NLGN1: variants seen among roughly 807,000 people sequenced by gnomAD.
The protein encoded by NLGN1 is neuroligin-1.
In NLGN1, 12 loss-of-function variants were observed where a neutral mutation model predicts 65.5. That is an observed-to-expected ratio of 0.18 (90% CI 0.12 to 0.30). The LOEUF is 0.30. Ranked by LOEUF, NLGN1 falls within the 10% of genes least tolerant of loss-of-function variation. The pLI, the probability that NLGN1 is intolerant of heterozygous loss-of-function variation, is 1.00. For missense variants in NLGN1, 750 were observed against 1,007.1 expected, an observed-to-expected ratio of 0.74 and a Z score of 3.46; for synonymous variants, 350 against 359.5, an observed-to-expected ratio of 0.97 and a Z score of 0.30.
Position 173,879,466 on chromosome 3 carries a change from G to A in NLGN1, c.646+71634G>A, listed in dbSNP as rs577794119. On this transcript the variant is annotated intron_variant, in intron 4 of 6. Transcript: ENST00000457714. ...TCATTTTTAAAATAGTTTCTATATC[G>A]CAGCTGACATATCATTGTATTAATG... Among the ~76,000 whole-genome samples, 10 of 151,992 alleles carry A rather than the reference G, an allele frequency of 6.6e-5. No individual in the cohort carries two copies. The South Asian group carries it at 1.0e-3, about 16-fold the overall frequency.
intron 4 of NLGN1, among the ~76,000 whole-genome samples, chr3:174,076,980 C>CTATCCA (rs887906636): frequency 1.3e-5 from 2 of 152,094 alleles, no homozygotes; most frequent in African/African-American, 4.8e-5. Flanking sequence ...AAAGCAGCTC[C>CTATCCA]AAGTATGTTC....
chr3:174,154,885 T>C (rs1725047233), intron 4 of NLGN1, among the ~76,000 whole-genome samples: 1 of 116,260 alleles, frequency 8.6e-6, no homozygotes, highest in South Asian at 2.5e-4. Context: ...TAGATAGATA[T>C]AAAGATTTTC....
intron 4 of NLGN1, among the ~76,000 whole-genome samples, chr3:173,932,218 C>T (rs1744224732): frequency 6.6e-6 from 1 of 151,826 alleles, no homozygotes; most frequent in Admixed American, 6.6e-5. Flanking sequence ...ATCAGTTGTC[C>T]TGTTTCCACT....
At chr3:173,971,202 G>C (rs1207385125) in intron 4 of NLGN1, among the ~76,000 whole-genome samples, 1 of 152,030 alleles carries the variant, frequency 6.6e-6, no homozygotes, top group Non-Finnish European at 1.5e-5. Context: ...AGAAAATGGT[G>C]TTACAAAAGT....
chr3:173,803,210 A>G (rs905559683), intron 3 of NLGN1, among the ~76,000 whole-genome samples: 5 of 152,190 alleles, frequency 3.3e-5, no homozygotes, highest in African/African-American at 1.2e-4. Flanking sequence ...AAATGGTTCA[A>G]AGTAACATCC....
chr3:173,906,256 T>C (rs1738364601), intron 4 of NLGN1, among the ~76,000 whole-genome samples: 2 of 152,218 alleles, frequency 1.3e-5, no homozygotes, highest in Admixed American at 6.5e-5. Context: ...GTATTGCTCT[T>C]TTTTATTAGC....
At chr3:174,181,198 A>G (rs1730351091) in intron 4 of NLGN1, among the ~76,000 whole-genome samples, 1 of 152,100 alleles carries the variant, frequency 6.6e-6, no homozygotes, top group African/African-American at 2.4e-5. Context: ...AATAATATAA[A>G]TTCATCAAAT....
chr3:174,156,632 T>G (rs1725489549), intron 4 of NLGN1, among the ~76,000 whole-genome samples: 1 of 151,714 alleles, frequency 6.6e-6, no homozygotes, highest in African/African-American at 2.4e-5. Flanking sequence ...TAGTCTAATA[T>G]AAAACATAAG....
At chr3:173,794,800 CA>C (rs1238064633) in intron 3 of NLGN1, among the ~76,000 whole-genome samples, 5 of 152,182 alleles carry the variant, frequency 3.3e-5, no homozygotes, top group African/African-American at 1.2e-4. Flanking sequence ...CAGATGCTAT[CA>C]TTTTTTTATT....
intron 2 of NLGN1, among the ~76,000 whole-genome samples, chr3:173,567,489 A>G (rs533890406): frequency 6.6e-6 from 1 of 152,090 alleles, no homozygotes; most frequent in East Asian, 1.9e-4. Flanking sequence ...TTTAATTTTT[A>G]TGTGCTTCAA....
rs201540247 is a variant in NLGN1 at position 174,038,780 on chromosome 3, GT to G, written c.646+230952del. Among the ~76,000 whole-genome samples the G allele has an allele frequency of 9.5e-4, 145 of 152,210 alleles. 1 individual carries two copies. The East Asian group carries it at 0.022, about 23-fold the overall frequency. On this transcript the variant is annotated intron_variant, in intron 4 of 6. Transcript: ENST00000457714. ...TATTCAGAAGTTCTAATTGCCTTAT[GT>G]TTTACTTCTTGACTGTCCAGGTGGC... is the stretch of plus-strand genomic sequence containing the variant.
chr3:173,728,256 G>A lies in NLGN1; in HGVS notation c.494-79424G>A, dbSNP rs369744510. On this transcript the variant is annotated intron_variant, in intron 3 of 6. Transcript: ENST00000457714. Reference sequence around the variant, plus strand: ...GATGTAAGTGACAAATGAATAAGACGTGGCAAGACTATGAAAGTCCTAAGA... The same window carrying A: ...GATGTAAGTGACAAATGAATAAGACATGGCAAGACTATGAAAGTCCTAAGA... 1.1e-4 allele frequency among the ~76,000 whole-genome samples: 16 copies of A among 152,044 alleles called. 1 individual carries two copies. The East Asian group carries it at 1.5e-3, about 15-fold the overall frequency.
At chr3:173,445,735 T>G (rs549896875) in intron 2 of NLGN1, among the ~76,000 whole-genome samples, 2 of 152,350 alleles carry the variant, frequency 1.3e-5, no homozygotes, top group Non-Finnish European at 2.9e-5. Context: ...TTGTTGAACC[T>G]AGCAGGGTTT....
chr3:173,719,357 C>T (rs1003155514), intron 3 of NLGN1, among the ~76,000 whole-genome samples: 1 of 152,170 alleles, frequency 6.6e-6, no homozygotes, highest in Non-Finnish European at 1.5e-5. Flanking sequence ...TACCTTCTTT[C>T]CTGCCCTAAG....
chr3:173,469,780 C>G (rs986025693), intron 2 of NLGN1, among the ~76,000 whole-genome samples: 1 of 151,960 alleles, frequency 6.6e-6, no homozygotes. Context: ...ACCCTGGTAG[C>G]CGCCAATCTA....
chr3:174,126,194 G>C (rs1402735455), intron 4 of NLGN1, among the ~76,000 whole-genome samples: 1 of 151,754 alleles, frequency 6.6e-6, no homozygotes, highest in African/African-American at 2.4e-5. Context: ...CTGTTTCTTT[G>C]TTTGTTTGTT....
intron 4 of NLGN1, among the ~76,000 whole-genome samples, chr3:174,020,334 C>T (rs897647811): frequency 6.6e-6 from 1 of 151,996 alleles, no homozygotes; most frequent in Admixed American, 6.6e-5. Context: ...ACTGCACTGC[C>T]TTGGAAAGAC....
intron 3 of NLGN1, among the ~76,000 whole-genome samples, chr3:173,771,853 T>C (rs1779636891): frequency 6.6e-6 from 1 of 151,784 alleles, no homozygotes; most frequent in Admixed American, 6.6e-5. Flanking sequence ...AAAATATAAT[T>C]ATAATTATAA....
chr3:173,923,426 A>T (rs995502450), intron 4 of NLGN1, among the ~76,000 whole-genome samples: 1 of 152,166 alleles, frequency 6.6e-6, no homozygotes, highest in Admixed American at 6.6e-5. Flanking sequence ...ATTGCCTGCC[A>T]CAGAGAGCTA....
Sources: allele counts gnomAD v4.1 joint callset (sites outside exome capture counted in the v4.1 genomes callset), GRCh38; gene constraint gnomAD v4.1.1; transcripts MANE v1.5; gene names NCBI Gene and HGNC (gene_info 2026-07-23, HGNC 2026-07-21).